ANKRD31: variants seen among roughly 807,000 people sequenced by gnomAD.
ANKRD31 encodes the protein ankyrin repeat domain-containing protein 31.
Under a neutral mutation model 186.0 loss-of-function variants are expected in ANKRD31, and 147 were observed. That is an observed-to-expected ratio of 0.79 (90% CI 0.69 to 0.91). The LOEUF (loss-of-function observed/expected upper bound fraction) is 0.91. Ranked by LOEUF, ANKRD31 falls within the 40% of genes least tolerant of loss-of-function variation. ANKRD31 has a pLI of 0.00. For missense variants in ANKRD31, 1,986 were observed against 2,148.8 expected (o/e 0.92, Z 1.50); for synonymous variants, 673 against 736.4 (o/e 0.91, Z 1.39).
chr5:75,165,630 G>GTGGTC (rs1270332490), intron 11 of ANKRD31, among the ~76,000 whole-genome samples: 3 of 152,112 alleles, frequency 2.0e-5, no homozygotes, highest in Non-Finnish European at 2.9e-5. Context: ...CATCCAGACT[G>GTGGTC]TGGTCTCTAA....
In ANKRD31 at chr5:75,183,525, C is replaced by T. The variant is rs182141446; in HGVS notation, c.1564+4968G>A. The stretch of plus-strand genomic sequence containing the variant: ...TCTTATATATAGAAAGCCCTAAAGA[C>T]TTCACTAAAAAACTGTAAGAACTAA... On this transcript the variant is annotated intron_variant, in intron 10 of 25. Coordinates refer to ENST00000506364, the MANE Select transcript of ANKRD31 (RefSeq NM_001372053.1). 2.0e-5 allele frequency among the ~76,000 whole-genome samples: 3 copies of T among 152,166 alleles called. No homozygotes were observed. In the East Asian group the frequency reaches 5.8e-4, roughly 29 times the overall value.
chr5:75,096,563 G>T (rs1394693867), intron 22 of ANKRD31, among the ~76,000 whole-genome samples: 1 of 152,168 alleles, frequency 6.6e-6, no homozygotes, highest in East Asian at 1.9e-4. Flanking sequence ...TGCTTGTGGC[G>T]ATTTCATCAT....
At chr5:75,152,372 G>A (rs1282013845) in intron 12 of ANKRD31, among the ~76,000 whole-genome samples, 4 of 152,130 alleles carry the variant, frequency 2.6e-5, no homozygotes, top group East Asian at 1.9e-4. Flanking sequence ...TCTATTAAGG[G>A]AGAACTACAG....
chr5:75,121,079 A>T (rs1188210327), intron 17 of ANKRD31, among the ~76,000 whole-genome samples: 1 of 151,914 alleles, frequency 6.6e-6, no homozygotes, highest in Non-Finnish European at 1.5e-5. Flanking sequence ...GCTACTTAGG[A>T]GGCTGAGGCA....
At chr5:75,235,199 T>C (rs1475651432) in intron 1 of ANKRD31, among the ~76,000 whole-genome samples, 1 of 151,772 alleles carries the variant, frequency 6.6e-6, no homozygotes, top group African/African-American at 2.4e-5. Flanking sequence ...CGATATAAAC[T>C]TTGGAATCAG....
chr5:75,177,636 C>G (rs1753915458), intron 10 of ANKRD31, among the ~76,000 whole-genome samples: 1 of 152,146 alleles, frequency 6.6e-6, no homozygotes, highest in Admixed American at 6.5e-5. Flanking sequence ...CCAAACTAAG[C>G]TTCCTAAGTG....
At chr5:75,193,617 A>G (rs1293120846) in intron 7 of ANKRD31, 26 bp from the exon 8 acceptor site, 3 of 1,503,032 alleles carry the variant, frequency 2.0e-6, no homozygotes, top group Non-Finnish European at 1.8e-6. Context: ...TACATCCACA[A>G]AAAATTACAA....
At chr5:75,106,864 G>A (rs749924190) in intron 21 of ANKRD31, among the ~76,000 whole-genome samples, 16 of 151,810 alleles carry the variant, frequency 1.1e-4, no homozygotes, top group Non-Finnish European at 2.1e-4. Context: ...TTTAAAATAA[G>A]TTCAGAAAAA....
intron 17 of ANKRD31, among the ~76,000 whole-genome samples, chr5:75,137,025 AG>A (rs1490908605): frequency 1.4e-5 from 2 of 143,728 alleles, no homozygotes; most frequent in Admixed American, 6.9e-5. Context: ...GGGTGGGGGT[AG>A]GGGGGAGGGA....
At chr5:75,202,253 G>T (rs764261360) in intron 5 of ANKRD31, among the ~76,000 whole-genome samples, 1 of 152,108 alleles carries the variant, frequency 6.6e-6, no homozygotes, top group Non-Finnish European at 1.5e-5. Context: ...TCTCGTTGAC[G>T]AAATGATCAT....
chr5:75,190,072 T>A (rs996655151), intron 9 of ANKRD31, among the ~76,000 whole-genome samples: 1 of 151,512 alleles, frequency 6.6e-6, no homozygotes, highest in African/African-American at 2.4e-5. Context: ...CAGGATGGAG[T>A]GCAGTGGTGC....
chr5:75,230,166 T>C (rs150910959), intron 2 of ANKRD31, among the ~76,000 whole-genome samples: 80 of 152,250 alleles, frequency 5.3e-4, no homozygotes, highest in African/African-American at 1.8e-3. Context: ...GGCTCTTCAA[T>C]GGACTGGCCT....
intron 5 of ANKRD31, among the ~76,000 whole-genome samples, chr5:75,201,924 C>T (rs571349362): frequency 6.6e-6 from 1 of 152,324 alleles, no homozygotes; most frequent in African/African-American, 2.4e-5. Flanking sequence ...CGATTCCTTT[C>T]TATTGATTCC....
rs952792215 is a variant in ANKRD31, at chr5:75,219,004, G to A, written c.288+3245C>T. Among the ~76,000 whole-genome samples, 8 of 152,072 alleles carry A rather than the reference G, an allele frequency of 5.3e-5. No homozygotes were observed. In the East Asian group the frequency reaches 7.7e-4, roughly 15 times the overall value. On this transcript the variant is annotated intron_variant, in intron 3 of 25. Transcript: ENST00000506364. The stretch of plus-strand genomic sequence containing the variant: ...CTCCAAAATAATAAGAGCCACCTAT[G>A]ACAAAGCCACAGCCACCACCAAACA...
chr5:75,109,999 A>G (rs879845374), intron 20 of ANKRD31, among the ~76,000 whole-genome samples: 4 of 152,180 alleles, frequency 2.6e-5, no homozygotes, highest in Non-Finnish European at 5.9e-5. Flanking sequence ...GGAGTGGCAG[A>G]GCCAACCACA....
In ANKRD31 at chr5:75,104,535, C is replaced by T. The variant is rs1283188567; in HGVS notation, c.5024G>A (p.Gly1675Glu). The change falls in exon 22 of 26, where the codon GGA becomes GAA. Residue 1675 changes from glycine to glutamate, a missense_variant. Transcript: ENST00000506364. ...TTGCTGGGAACTTGTTTTTCTGTTT[C>T]CTCTTTTGGGATCATAATTGGAAAG... The part of the protein sequence containing the change: ...QDLSNYDPKR[G>E]NRKTSSQQSP... The T allele has an allele frequency of 6.5e-7, 1 of 1,536,790 alleles. No individual in the cohort carries two copies. Among genetic ancestry groups the T allele is most frequent in the Non-Finnish European group, 8.7e-7 (1 of 1,146,796 alleles).
intron 7 of ANKRD31, among the ~76,000 whole-genome samples, chr5:75,194,570 A>G (rs1755331411): frequency 6.6e-6 from 1 of 152,160 alleles, no homozygotes; most frequent in African/African-American, 2.4e-5. Context: ...GTTCACAGAA[A>G]CATTTTGGTA....
intron 10 of ANKRD31, 56 bp from the exon 11 acceptor site, chr5:75,169,177 G>T: frequency 6.7e-7 from 1 of 1,495,892 alleles, no homozygotes. Flanking sequence ...ATAATGTTTT[G>T]TGCTTGCCCT....
At chr5:75,221,640 A>T (rs1388770962) in intron 3 of ANKRD31, among the ~76,000 whole-genome samples, 1 of 152,164 alleles carries the variant, frequency 6.6e-6, no homozygotes, top group Non-Finnish European at 1.5e-5. Context: ...CACAGGCTTG[A>T]ACTGTGTTGG....
Sources: gnomAD v4.1 joint callset for allele counts (sites outside exome capture counted in the v4.1 genomes callset) on GRCh38, gnomAD v4.1.1 for gene constraint, MANE v1.5 for transcripts, NCBI Gene and HGNC (gene_info 2026-07-23, HGNC 2026-07-21) for gene names.